The following GRIP1 variants were observed in gnomAD, a reference collection of about 807,000 sequenced individuals.
The protein encoded by GRIP1 is glutamate receptor-interacting protein 1.
A neutral mutation model predicts 129.9 loss-of-function variants in GRIP1; 45 were observed. The observed-to-expected ratio is 0.35, with a 90% CI of 0.27 to 0.44. The LOEUF (loss-of-function observed/expected upper bound fraction) is 0.44. GRIP1 is among the 20% of genes least tolerant of loss of function. The probability of loss-of-function intolerance (pLI) is 1.00; values close to 1 mark genes in which losing one functional copy is unlikely to be tolerated. For synonymous variants in GRIP1, 530 were observed against 520.8 expected (o/e 1.02, Z -0.24); for missense variants, 1,196 against 1,396.8 (o/e 0.86, Z 2.29).
Position 66,420,855 on chromosome 12 carries a change from C to T in GRIP1, c.1769-66G>A, listed in dbSNP as rs536982617. On this transcript the variant is annotated intron_variant, in intron 14 of 24. Transcript: ENST00000359742. ...TTATTCACCCCTTACTGTACATTTC[C>T]CCTGTTTTATAATAACTTAATGCAA... 1.5e-4 allele frequency: 138 copies of T among 904,778 alleles called. 1 individual carries two copies. The highest frequency in any genetic ancestry group is 1.1e-3 in the South Asian group (82 of 74,900). 56.0% of individuals were successfully genotyped at this position (904,778 alleles called of 1,614,324 possible). A position where few individuals can be genotyped will look rare whatever the true frequency, so the allele number is the denominator to read the frequency against.
chr12:66,987,827 T>C (rs147660684), intron 1 of GRIP1, among the ~76,000 whole-genome samples: 7 of 152,278 alleles, frequency 4.6e-5, no homozygotes, highest in Admixed American at 1.3e-4. Flanking sequence ...CTTTTCTCTG[T>C]CACTCTTATC....
At chr12:66,566,750 C>CA (rs1014323352) in intron 2 of GRIP1, among the ~76,000 whole-genome samples, 1 of 151,020 alleles carries the variant, frequency 6.6e-6, no homozygotes, top group Non-Finnish European at 1.5e-5. Context: ...ATCCGTCTTC[C>CA]AAAAAAAATC....
At chr12:66,349,635 C>G (rs1046094279) in intron 24 of GRIP1, among the ~76,000 whole-genome samples, 1 of 152,214 alleles carries the variant, frequency 6.6e-6, no homozygotes, top group Non-Finnish European at 1.5e-5. Context: ...CCCAGGCCAA[C>G]TGGCTGATCT....
At chr12:66,433,701 T>C (rs1313304255) in intron 13 of GRIP1, among the ~76,000 whole-genome samples, 1 of 152,242 alleles carries the variant, frequency 6.6e-6, no homozygotes, top group African/African-American at 2.4e-5. Flanking sequence ...ATTGAAGAGA[T>C]AGCATCTATT....
intron 23 of GRIP1, among the ~76,000 whole-genome samples, chr12:66,370,969 T>G (rs2055454401): frequency 6.6e-6 from 1 of 152,124 alleles, no homozygotes. Flanking sequence ...AATCATCTAC[T>G]GCAAGTCTGT....
chr12:66,481,378 C>T (rs1484628614), intron 7 of GRIP1, among the ~76,000 whole-genome samples: 1 of 152,054 alleles, frequency 6.6e-6, no homozygotes, highest in Non-Finnish European at 1.5e-5. Flanking sequence ...TAGAGAAATG[C>T]AAATCAAATC....
At chr12:66,817,202 G>GCACACACACACA (rs57507955) in intron 1 of GRIP1, among the ~76,000 whole-genome samples, 4 of 136,120 alleles carry the variant, frequency 2.9e-5, no homozygotes, top group Admixed American at 7.7e-5. Context: ...TTTTCAGTAT[G>GCACACACACACA]CACACACACA....
intron 7 of GRIP1, among the ~76,000 whole-genome samples, chr12:66,488,840 C>T (rs1343823811): frequency 6.6e-6 from 1 of 152,088 alleles, no homozygotes; most frequent in East Asian, 1.9e-4. Flanking sequence ...ATACTATAAA[C>T]ACCTCTATGC....
intron 24 of GRIP1, among the ~76,000 whole-genome samples, chr12:66,351,555 GGTTTTTT>G (rs368176706): frequency 4.6e-4 from 66 of 143,500 alleles, no homozygotes; most frequent in Admixed American, 7.2e-4. Flanking sequence ...ACAGGAAGGT[GGTTTTTT>G]TTTTTTTTTT....
intron 19 of GRIP1, among the ~76,000 whole-genome samples, chr12:66,383,139 A>T (rs2056194036): frequency 6.6e-6 from 1 of 152,116 alleles, no homozygotes; most frequent in Non-Finnish European, 1.5e-5. Context: ...ACTACTAAAA[A>T]TACAAAAATT....
At chr12:66,941,096 A>C (rs926377155) in intron 1 of GRIP1, among the ~76,000 whole-genome samples, 8 of 152,158 alleles carry the variant, frequency 5.3e-5, no homozygotes, top group African/African-American at 7.2e-5. Context: ...GCAGGAAATG[A>C]AAAATAGTAA....
intron 1 of GRIP1, among the ~76,000 whole-genome samples, chr12:66,848,855 T>C (rs2039863223): frequency 6.6e-6 from 1 of 152,268 alleles, no homozygotes; most frequent in East Asian, 1.9e-4. Flanking sequence ...TACTGAGGAA[T>C]TCACATCAAC....
At chr12:66,913,792 C>G (rs2041072002) in intron 1 of GRIP1, among the ~76,000 whole-genome samples, 1 of 152,062 alleles carries the variant, frequency 6.6e-6, no homozygotes, top group Non-Finnish European at 1.5e-5. Flanking sequence ...AAGCTTCTAA[C>G]TTAAGATAAA....
chr12:66,888,192 A>AC (rs1259867826), intron 1 of GRIP1, among the ~76,000 whole-genome samples: 1 of 151,736 alleles, frequency 6.6e-6, no homozygotes, highest in Non-Finnish European at 1.5e-5. Context: ...AGTAGCTGGA[A>AC]CCACAGGCGC....
At chr12:66,568,972 T>G (rs1344886248) in intron 2 of GRIP1, 1 of 509,374 alleles carries the variant, frequency 2.0e-6, no homozygotes, top group African/African-American at 2.0e-5. Flanking sequence ...ATACACTGCA[T>G]CTACAAGATT....
intron 1 of GRIP1, among the ~76,000 whole-genome samples, chr12:66,986,433 G>A (rs909152001): frequency 6.7e-6 from 1 of 150,328 alleles, no homozygotes; most frequent in African/African-American, 2.5e-5. Flanking sequence ...CAACCCAAAT[G>A]TCCAACAATG....
At chr12:66,940,189 G>C (rs1202717845) in intron 1 of GRIP1, among the ~76,000 whole-genome samples, 1 of 151,976 alleles carries the variant, frequency 6.6e-6, no homozygotes, top group South Asian at 2.1e-4. Flanking sequence ...ATGCCGGCAA[G>C]AGGCACTGGT....
chr12:66,885,438 C>G (rs1219951892), intron 1 of GRIP1, among the ~76,000 whole-genome samples: 1 of 152,142 alleles, frequency 6.6e-6, no homozygotes, highest in Non-Finnish European at 1.5e-5. Context: ...CAAAAAAAAT[C>G]TGTAGCAAAG....
At chr12:66,379,471 A>G in intron 19 of GRIP1, 35 bp from the exon 20 acceptor site, 1 of 1,604,420 alleles carries the variant, frequency 6.2e-7, no homozygotes, top group Non-Finnish European at 8.5e-7. Flanking sequence ...ATTGGGCCCA[A>G]GGATTACTTA....
Sources: allele counts gnomAD v4.1 joint callset (sites outside exome capture counted in the v4.1 genomes callset), GRCh38; gene constraint gnomAD v4.1.1; transcripts MANE v1.5; gene names NCBI Gene and HGNC (gene_info 2026-07-23, HGNC 2026-07-21).